SATB1: variants seen among roughly 807,000 people sequenced by gnomAD.
SATB1 encodes the protein SATB homeobox 1.
SATB1 carries 11 observed loss-of-function variants against 86.9 expected under a neutral mutation model. The observed-to-expected ratio is 0.13, with a 90% confidence interval of 0.08 to 0.21. The LOEUF (loss-of-function observed/expected upper bound fraction) is 0.21, where lower values mean the gene tolerates loss of function less well. Among genes scored for constraint, SATB1 ranks in the 10% least tolerant of loss-of-function variants. SATB1 has a pLI of 1.00. For synonymous variants in SATB1, 357 were observed against 357.2 expected, an observed-to-expected ratio of 1.00 and a Z score of 0.01; for missense variants, 551 against 937.6, an observed-to-expected ratio of 0.59 and a Z score of 5.39.
intron 5 of SATB1, chr3:18,411,116 C>A: frequency 5.4e-6 from 2 of 371,076 alleles, no homozygotes; most frequent in South Asian, 2.9e-4. Context: ...ATGGAATGTT[C>A]AAATTTATTT....
chr3:18,445,317 A>G, intron 1 of SATB1: 2 of 981,314 alleles, frequency 2.0e-6, no homozygotes, highest in Non-Finnish European at 2.4e-6. Flanking sequence ...GCTGCTGCGC[A>G]CCGCTCCCGG....
At chr3:18,433,332 T>C (rs1698950583) in intron 2 of SATB1, among the ~76,000 whole-genome samples, 1 of 152,162 alleles carries the variant, frequency 6.6e-6, no homozygotes, top group East Asian at 1.9e-4. Context: ...AGTACTAATT[T>C]GCAAATTGTC....
intron 9 of SATB1, among the ~76,000 whole-genome samples, chr3:18,367,338 A>G (rs576506513): frequency 5.9e-5 from 9 of 152,350 alleles, no homozygotes; most frequent in African/African-American, 2.2e-4. Flanking sequence ...AACAATGATG[A>G]TGAAAAATGA....
At chr3:18,354,336 T>C (rs1694526059) in intron 9 of SATB1, among the ~76,000 whole-genome samples, 1 of 152,200 alleles carries the variant, frequency 6.6e-6, no homozygotes, top group Admixed American at 6.5e-5. Flanking sequence ...GAATATTAAC[T>C]GTGGGTGAGA....
At chr3:18,405,732 C>T (rs1045159168) in intron 5 of SATB1, among the ~76,000 whole-genome samples, 1 of 151,958 alleles carries the variant, frequency 6.6e-6, no homozygotes, top group African/African-American at 2.4e-5. Context: ...TCAGGGTCTG[C>T]ACAGATTGTG....
At position 18,430,779 on chromosome 3, in the gene SATB1, G is replaced by A. The variant is rs149598177; in HGVS notation, c.-25+6010C>T. 3.3e-3 allele frequency among the ~76,000 whole-genome samples: 508 copies of A among 152,328 alleles called. 1 individual carries two copies. The highest frequency in any genetic ancestry group is 6.4e-3 in the Admixed American group (98 of 15,294). ...GTTGAGTTTCAGTTTTAGCTAGAAT[G>A]ATAGCGATCAAAAGTTATTTCCCTA... On this transcript the variant is annotated intron_variant, in intron 2 of 3. Transcript: ENST00000414509.
At chr3:18,369,712 G>T (rs758757235) in intron 9 of SATB1, among the ~76,000 whole-genome samples, 4 of 152,086 alleles carry the variant, frequency 2.6e-5, no homozygotes, top group South Asian at 2.1e-4. Flanking sequence ...TGTAAGGGAT[G>T]GGGGGGTGGG....
intron 9 of SATB1, among the ~76,000 whole-genome samples, chr3:18,358,170 T>A (rs1022517909): frequency 4.6e-5 from 7 of 151,992 alleles, no homozygotes; most frequent in Admixed American, 2.0e-4. Context: ...GCATTAAAGT[T>A]GAGGGCAAGA....
rs1282645805 is a variant in SATB1 at position 18,346,188 on chromosome 3, A to C, written c.*2982T>G. On this transcript the variant is annotated 3_prime_UTR_variant, in exon 11 of 11. Transcript: ENST00000338745. ...ATTGTGTGGCAAGGAGATACTATCA[A>C]CATTTTTTTTTGCATAATGTGCAAG... is the stretch of plus-strand genomic sequence containing the variant. The C allele has an allele frequency of 6.6e-6, 1 of 152,132 alleles. No individual in the cohort carries two copies. The highest frequency in any genetic ancestry group is 6.5e-5 in the Admixed American group (1 of 15,274). 9.4% of individuals were successfully genotyped at this position (152,132 alleles called of 1,614,324 possible). A position where few individuals can be genotyped will look rare whatever the true frequency, so the allele number is the denominator to read the frequency against.
intron 9 of SATB1, among the ~76,000 whole-genome samples, chr3:18,356,252 A>G (rs929988774): frequency 4.6e-5 from 7 of 151,906 alleles, no homozygotes. Context: ...CATCTGCCAC[A>G]AAGGAAATAC....
At chr3:18,361,175 A>G (rs1291039290) in intron 9 of SATB1, among the ~76,000 whole-genome samples, 4 of 152,006 alleles carry the variant, frequency 2.6e-5, no homozygotes, top group African/African-American at 4.8e-5. Context: ...GACTTTTAAG[A>G]TCTATTTGTT....
At chr3:18,375,883 A>T (rs1376639626) in intron 9 of SATB1, among the ~76,000 whole-genome samples, 1 of 152,204 alleles carries the variant, frequency 6.6e-6, no homozygotes, top group Non-Finnish European at 1.5e-5. Context: ...TAACTATCCA[A>T]GGGAATAAAG....
chr3:18,386,347 G>A lies in SATB1; in HGVS notation c.1419+52C>T, dbSNP rs1046835522. On this transcript the variant is annotated intron_variant, in intron 8 of 10. Transcript: ENST00000338745. The surrounding 1 kb of genome is among the most constrained non-coding windows in gnomAD (Gnocchi z 4.5). ...ATTTCTTATTGAGATTCTTCCTCAA[G>A]CATTAAAAAAAAGCTAAACAAAGAA... 20 of 1,338,924 alleles carry A rather than the reference G, an allele frequency of 1.5e-5. No homozygotes were observed. Among genetic ancestry groups the A allele is most frequent in the African/African-American group, 4.4e-5 (3 of 68,422 alleles). The allele number at this position is 1,338,924 out of a possible 1,614,324, so 82.9% of individuals were successfully genotyped here.
Position 18,386,591 on chromosome 3 carries a change from G to C in SATB1, c.1227C>G (p.Leu409=), listed in dbSNP as rs531321808. The change falls in exon 8 of 11, where the codon CTC becomes CTG. Residue 409 remains leucine, a synonymous_variant. Transcript: ENST00000338745. This position sits in a 1 kb window ranked among gnomAD's most constrained non-coding sequence, Gnocchi z 4.5. ...CAGTCTTGGGGTCCTCTTCCTTTCG[G>C]AGGATTTCTGAAAGCAAGCCCTGCA... is the stretch of plus-strand genomic sequence containing the variant. ...NRTQGLLSEI[L]RKEEDPKTAS... 2 of 1,614,036 alleles carry C rather than the reference G, an allele frequency of 1.2e-6. No individual in the cohort carries two copies. The highest frequency in any genetic ancestry group is 2.2e-5 in the East Asian group (1 of 44,874).
In SATB1 at chr3:18,416,115, T is replaced by C; in HGVS notation, c.407A>G (p.Lys136Arg). ...GTAAGACAGTGGAACTGGATTCCAC[T>C]TTCCAACCTGGATTAGCCCTATTTC... The part of the protein sequence containing the change: ...AQAKGLIQVG[K>R]WNPVPLSYVT... Residue 136 changes from lysine (K) to arginine (R), a missense_variant, in exon 4 of 11, where the codon AAG becomes AGG. Physicochemically the swap from Lys to Arg is conservative, Grantham distance 26 (BLOSUM62 2). This residue lies in a region of SATB1 where 153 missense variants were observed against 258.1 expected (regional missense o/e 0.59). Coordinates refer to ENST00000338745, the MANE Select transcript of SATB1 (RefSeq NM_002971.6). 6.2e-7 allele frequency: 1 copy of C among 1,608,622 alleles called. No homozygotes were observed. Among genetic ancestry groups the C allele is most frequent in the Non-Finnish European group, 8.5e-7 (1 of 1,176,900 alleles).
rs1696826073 is a variant in SATB1 at position 18,394,009 on chromosome 3, AC to A, written c.1206+452del. ...ACAACAAACAACAACAACAACAACA[AC>A]GCTGCAGTAGAACTTTAAGAGGGAA... On this transcript the variant is annotated intron_variant, in intron 7 of 10. Transcript: ENST00000338745. The surrounding 1 kb of genome is among the most constrained non-coding windows in gnomAD (Gnocchi z 5.9). Among the ~76,000 whole-genome samples, 1 of 152,148 alleles carries A rather than the reference AC, an allele frequency of 6.6e-6. No individual in the cohort carries two copies. Among genetic ancestry groups the A allele is most frequent in the Non-Finnish European group, 1.5e-5 (1 of 68,022 alleles).
At chr3:18,384,698 C>G (rs1172216573) in intron 8 of SATB1, among the ~76,000 whole-genome samples, 1 of 151,924 alleles carries the variant, frequency 6.6e-6, no homozygotes, top group South Asian at 2.1e-4. Flanking sequence ...TCTTTTTTAT[C>G]ATTCCTAGAA....
chr3:18,434,341 T>C (rs1223102306), intron 2 of SATB1, among the ~76,000 whole-genome samples: 3 of 151,948 alleles, frequency 2.0e-5, no homozygotes, highest in Non-Finnish European at 2.9e-5. Flanking sequence ...CTCAATAGAT[T>C]TGAAAAATCC....
In SATB1 at chr3:18,349,128, T is replaced by G; in HGVS notation, c.*42A>C. 6.3e-7 allele frequency: 1 copy of G among 1,584,164 alleles called. No individual in the cohort carries two copies. Among genetic ancestry groups the G allele is most frequent in the Non-Finnish European group, 8.6e-7 (1 of 1,164,544 alleles). On this transcript the variant is annotated 3_prime_UTR_variant, in exon 11 of 11. Coordinates refer to ENST00000338745, the MANE Select transcript of SATB1 (RefSeq NM_002971.6). This position sits in a 1 kb window ranked among gnomAD's most constrained non-coding sequence, Gnocchi z 5.5. ...CAAGGTGGACTTTTCATTTTGTTAG[T>G]AAATACCAGTGGCACTGTTGAACGA...
Sources: gnomAD v4.1 joint callset for allele counts (sites outside exome capture counted in the v4.1 genomes callset) on GRCh38, gnomAD v4.1.1 for gene constraint, gnomAD v4.1.1 regional missense constraint, Gnocchi (gnomAD v3.1) non-coding constraint, MANE v1.5 for transcripts, NCBI Gene and HGNC (gene_info 2026-07-23, HGNC 2026-07-21) for gene names.